Variants in TULP4 observed in about 807,000 individuals in gnomAD.
The protein encoded by TULP4 is TUB like protein 4.
A neutral mutation model predicts 129.0 loss-of-function variants in TULP4; 16 were observed. The ratio of observed to expected loss-of-function variants is 0.12; its 90% CI spans 0.08 to 0.19. The LOEUF is 0.19. Ranked by LOEUF, TULP4 falls within the 10% of genes least tolerant of loss-of-function variation. The probability of loss-of-function intolerance (pLI) is 1.00; values close to 1 mark genes in which losing one functional copy is unlikely to be tolerated. For missense variants in TULP4, 1,842 were observed against 2,059.1 expected (o/e 0.89, Z 2.04); for synonymous variants, 998 against 854.0 (o/e 1.17, Z -2.94).
chr6:158,481,762 A>G (rs1027887768), intron 8 of TULP4, among the ~76,000 whole-genome samples: 2 of 152,088 alleles, frequency 1.3e-5, no homozygotes, highest in African/African-American at 2.4e-5. Flanking sequence ...GCTAATGACA[A>G]TGTTTTGCTC....
chr6:158,329,362 C>T (rs1779822426), intron 1 of TULP4, among the ~76,000 whole-genome samples: 1 of 150,920 alleles, frequency 6.6e-6, no homozygotes, highest in African/African-American at 2.4e-5. Context: ...CCTGTGACAA[C>T]GTTTAAGGCA....
intron 1 of TULP4, among the ~76,000 whole-genome samples, chr6:158,353,925 G>C (rs1197777903): frequency 6.6e-6 from 1 of 152,252 alleles, no homozygotes; most frequent in Admixed American, 6.5e-5. Flanking sequence ...GTGGGCGCTT[G>C]TTGAGAAATG....
At chr6:158,488,188 A>G (rs1780114697) in intron 8 of TULP4, among the ~76,000 whole-genome samples, 1 of 152,166 alleles carries the variant, frequency 6.6e-6, no homozygotes, top group Non-Finnish European at 1.5e-5. Context: ...TTGATGAGTG[A>G]GTCAGGAGCT....
intron 1 of TULP4, among the ~76,000 whole-genome samples, chr6:158,290,757 C>G (rs758679190): frequency 7.8e-6 from 1 of 128,926 alleles, no homozygotes; most frequent in Non-Finnish European, 1.7e-5. Flanking sequence ...ACTTTTGGCT[C>G]TGGTCATCCT....
intron 1 of TULP4, chr6:158,241,855 A>C: frequency 1.5e-6 from 1 of 653,478 alleles, no homozygotes; most frequent in Non-Finnish European, 2.9e-6. Flanking sequence ...CGCCTCCCAA[A>C]GTGCTGGGAT....
intron 1 of TULP4, among the ~76,000 whole-genome samples, chr6:158,275,189 C>T (rs1300589395): frequency 3.9e-5 from 6 of 152,180 alleles, no homozygotes; most frequent in Non-Finnish European, 7.3e-5. Context: ...GGAGCCCACG[C>T]GCTACAAGTG....
At chr6:158,441,850 C>T (rs966780142) in intron 3 of TULP4, among the ~76,000 whole-genome samples, 7 of 152,240 alleles carry the variant, frequency 4.6e-5, no homozygotes, top group Admixed American at 1.3e-4. Flanking sequence ...ACTGCTCCAG[C>T]TCTCTTACGT....
At chr6:158,317,462 C>T (rs1389889123) in intron 1 of TULP4, among the ~76,000 whole-genome samples, 1 of 149,804 alleles carries the variant, frequency 6.7e-6, no homozygotes, top group African/African-American at 2.5e-5. Flanking sequence ...TGATGGTTTC[C>T]AGCTTCATTC....
intron 1 of TULP4, among the ~76,000 whole-genome samples, chr6:158,409,338 A>G (rs1778037179): frequency 6.6e-6 from 1 of 152,244 alleles, no homozygotes; most frequent in South Asian, 2.1e-4. Flanking sequence ...TTTTTGAACC[A>G]TCAAAGGCCT....
At chr6:158,370,691 T>G (rs1051203150) in intron 1 of TULP4, among the ~76,000 whole-genome samples, 34 of 152,160 alleles carry the variant, frequency 2.2e-4, no homozygotes, top group African/African-American at 7.5e-4. Context: ...AAGATAATCT[T>G]GAAACTGTTC....
chr6:158,431,032 T>C (rs571213397), intron 3 of TULP4, among the ~76,000 whole-genome samples: 33 of 152,344 alleles, frequency 2.2e-4, no homozygotes, highest in African/African-American at 7.5e-4. Flanking sequence ...ATTGGTATTA[T>C]GAGATTTATG....
At chr6:158,244,350 TA>T (rs1174477408) in intron 1 of TULP4, among the ~76,000 whole-genome samples, 34 of 152,332 alleles carry the variant, frequency 2.2e-4, no homozygotes, top group African/African-American at 8.2e-4. Context: ...TACTAGTCAT[TA>T]AATAAATAGA....
chr6:158,425,153 C>CAAAAAAAAA (rs562712423), intron 2 of TULP4, among the ~76,000 whole-genome samples: 1 of 39,804 alleles, frequency 2.5e-5, no homozygotes, highest in Non-Finnish European at 4.1e-5. Context: ...GACACCATCT[C>CAAAAAAAAA]AAAAAAAAAA....
intron 2 of TULP4, among the ~76,000 whole-genome samples, chr6:158,423,122 AGGGG>A (rs34027309): frequency 9.4e-6 from 1 of 106,842 alleles, no homozygotes; most frequent in African/African-American, 2.9e-5. Context: ...CACAAAAAAG[AGGGG>A]GGGGGGGGGA....
intron 1 of TULP4, among the ~76,000 whole-genome samples, chr6:158,393,708 T>C (rs545355020): frequency 1.6e-4 from 25 of 152,304 alleles, no homozygotes; most frequent in African/African-American, 5.8e-4. Context: ...CAGGGTGCCA[T>C]GTCGTAAGGC....
At chr6:158,489,512 A>G (rs1780148655) in intron 8 of TULP4, 76 bp from the exon 9 acceptor site, 1 of 1,565,812 alleles carries the variant, frequency 6.4e-7, no homozygotes, top group South Asian at 1.1e-5. Context: ...TCTGTCTTTT[A>G]GTTTATAGTA....
At chr6:158,489,890 A>G (rs1045498029) in intron 9 of TULP4, among the ~76,000 whole-genome samples, 158 bp downstream of exon 9, 1 of 152,134 alleles carries the variant, frequency 6.6e-6, no homozygotes, top group African/African-American at 2.4e-5. Context: ...TACAACTTCT[A>G]TTTGTTTTGT....
Position 158,503,675 on chromosome 6 carries a change from C to T in TULP4, c.4012C>T (p.Arg1338Trp), listed in dbSNP as rs1162811022. 9.3e-6 allele frequency: 15 copies of T among 1,613,818 alleles called. No individual in the cohort carries two copies. Among genetic ancestry groups the T allele is most frequent in the South Asian group, 1.1e-5 (1 of 91,072 alleles). ...QRTEKFGKKN[R>W]KRLDSRAEEG... The stretch of plus-strand genomic sequence containing the variant: ...GACAGAAAAATTTGGAAAGAAGAAC[C>T]GGAAGCGCCTGGACAGCCGAGCAGA... The change falls in exon 13 of 14, where the codon CGG becomes TGG. Residue 1338 changes from arginine to tryptophan, a missense_variant. Physicochemically the swap from Arg to Trp is moderately radical, Grantham distance 101. This residue lies in a region of TULP4 where 1,089 missense variants were observed against 987.1 expected (regional missense o/e 1.10). Transcript: ENST00000367097. The surrounding 1 kb of genome is among the most constrained non-coding windows in gnomAD (Gnocchi z 4.3).
intron 1 of TULP4, among the ~76,000 whole-genome samples, chr6:158,318,094 C>T (rs1450899333): frequency 6.6e-6 from 1 of 152,118 alleles, no homozygotes; most frequent in South Asian, 2.1e-4. Context: ...AAAATTTTCT[C>T]CCATTTTATA....
Sources: gnomAD v4.1 joint callset for allele counts (sites outside exome capture counted in the v4.1 genomes callset) on GRCh38, gnomAD v4.1.1 for gene constraint, gnomAD v4.1.1 regional missense constraint, Gnocchi (gnomAD v3.1) non-coding constraint, MANE v1.5 for transcripts, NCBI Gene and HGNC (gene_info 2026-07-23, HGNC 2026-07-21) for gene names.